Variants in SCEL observed in about 807,000 individuals in gnomAD.
SCEL encodes sciellin.
Under a neutral mutation model 117.6 loss-of-function variants are expected in SCEL, and 113 were observed. The observed-to-expected ratio is 0.96, with a 90% CI of 0.83 to 1.12. The LOEUF (loss-of-function observed/expected upper bound fraction) is 1.12, where lower values mean the gene tolerates loss of function less well. SCEL is among the 50% of genes most tolerant of loss of function. The pLI, the probability that SCEL is intolerant of heterozygous loss-of-function variation, is 0.00. For missense variants in SCEL, 785 were observed against 810.8 expected (o/e 0.97, Z 0.39); for synonymous variants, 270 against 256.2 (o/e 1.05, Z -0.51).
Position 77,541,091 on chromosome 13 carries a change from G to A in SCEL, c.-20+5267G>A, listed in dbSNP as rs992157111. Among the ~76,000 whole-genome samples, 13 of 151,978 alleles carry A rather than the reference G, an allele frequency of 8.6e-5. No individual in the cohort carries two copies. In the South Asian group the frequency reaches 2.7e-3, roughly 32 times the overall value. On this transcript the variant is annotated intron_variant, in intron 1 of 32. Coordinates refer to ENST00000349847, the MANE Select transcript of SCEL (RefSeq NM_144777.3). ...GAAGAAATTATAAAGGGAAAAATAGGGAATGCAAAATCAAAAGCTTCTGAT... is the reference window on the plus strand; with the variant it reads ...GAAGAAATTATAAAGGGAAAAATAGAGAATGCAAAATCAAAAGCTTCTGAT...
At chr13:77,538,811 A>G (rs1245148714) in intron 1 of SCEL, among the ~76,000 whole-genome samples, 1 of 152,198 alleles carries the variant, frequency 6.6e-6, no homozygotes, top group East Asian at 1.9e-4. Context: ...CTAAAATGTG[A>G]TTACGTATCC....
intron 1 of SCEL, 134 bp from the exon 2 acceptor site, chr13:77,555,723 A>G (rs754526471): frequency 5.0e-6 from 3 of 595,872 alleles, no homozygotes; most frequent in Admixed American, 2.8e-5. Context: ...GGGGCACTTT[A>G]TGTCATGCAT....
At position 77,608,102 on chromosome 13, in the gene SCEL, A is replaced by T; in HGVS notation, c.1204A>T (p.Arg402Ter). Reference sequence around the variant, plus strand: ...CATCAAAGTGACCCCTGAAGTAAAGAGAAGTAACCAAGGGTGAGGACTATG... The same window carrying T: ...CATCAAAGTGACCCCTGAAGTAAAGTGAAGTAACCAAGGGTGAGGACTATG... ...NLIKVTPEVK[R>*]SNQGSKDLNN... Residue 402 changes from arginine to a stop codon, truncating the protein, a stop_gained, in exon 20 of 33, where the codon AGA (arginine) becomes TGA (stop). Coordinates refer to ENST00000349847, the MANE Select transcript of SCEL (RefSeq NM_144777.3). LOFTEE classifies it high-confidence loss of function. 1 of 1,612,924 alleles carries T rather than the reference A, an allele frequency of 6.2e-7. No individual in the cohort carries two copies. The highest frequency in any genetic ancestry group is 8.5e-7 in the Non-Finnish European group (1 of 1,179,138).
At position 77,613,913 on chromosome 13, in the gene SCEL, A is replaced by C. The variant is rs769234113; in HGVS notation, c.1409A>C (p.Glu470Ala). 1.2e-6 allele frequency: 2 copies of C among 1,613,520 alleles called. No individual in the cohort carries two copies. The highest frequency in any genetic ancestry group is 1.6e-4 in the Middle Eastern group (1 of 6,062). Reference protein sequence around the residue: ...ANKSSEQGLDEHINVSPKAVK... With the variant: ...ANKSSEQGLDAHINVSPKAVK... ...TTTAGCAGTGAACAAGGTCTTGATG[A>C]ACATATTAATGTCAGCCCCAAAGCT... Residue 470 changes from glutamate to alanine, a missense_variant, in exon 24 of 33, where the codon GAA becomes GCA. By Grantham distance (107) the Glu-to-Ala change is moderately radical. Coordinates refer to ENST00000349847, the MANE Select transcript of SCEL (RefSeq NM_144777.3).
intron 1 of SCEL, among the ~76,000 whole-genome samples, chr13:77,553,064 A>G (rs1593900930): frequency 1.3e-5 from 2 of 152,150 alleles, no homozygotes; most frequent in South Asian, 4.1e-4. Flanking sequence ...TTTTAACTTA[A>G]TCACCTCTTT....
At chr13:77,634,793 C>T (rs2090196707) in intron 29 of SCEL, among the ~76,000 whole-genome samples, 1 of 152,064 alleles carries the variant, frequency 6.6e-6, no homozygotes, top group African/African-American at 2.4e-5. Context: ...TTTGGAGTTC[C>T]ACTTGAATTA....
intron 27 of SCEL, among the ~76,000 whole-genome samples, chr13:77,627,649 A>T (rs1349332925): frequency 6.6e-6 from 1 of 152,170 alleles, no homozygotes; most frequent in East Asian, 1.9e-4. Context: ...CATCAATAAA[A>T]AAAGAAAAAT....
At chr13:77,637,881 T>C (rs2090380088) in intron 30 of SCEL, among the ~76,000 whole-genome samples, 1 of 152,242 alleles carries the variant, frequency 6.6e-6, no homozygotes, top group Non-Finnish European at 1.5e-5. Flanking sequence ...AGGTTTTTGC[T>C]GTTAGTGATC....
intron 4 of SCEL, 110 bp downstream of exon 4, chr13:77,559,973 G>A (rs1368037151): frequency 4.4e-6 from 4 of 898,880 alleles, no homozygotes; most frequent in Admixed American, 1.9e-5. Flanking sequence ...GGCTTTCCCC[G>A]ATGTTCTGGG....
chr13:77,566,901 A>G (rs946360617), intron 5 of SCEL, among the ~76,000 whole-genome samples: 1 of 152,202 alleles, frequency 6.6e-6, no homozygotes, highest in Non-Finnish European at 1.5e-5. Context: ...GCTCAATCAC[A>G]TGGCCCCAAC....
At chr13:77,588,220 C>A (rs1184819936) in intron 9 of SCEL, among the ~76,000 whole-genome samples, 1 of 152,184 alleles carries the variant, frequency 6.6e-6, no homozygotes, top group East Asian at 1.9e-4. Context: ...AGTAAAAACA[C>A]AATCTCATTC....
intron 1 of SCEL, among the ~76,000 whole-genome samples, chr13:77,539,683 C>T (rs2083596089): frequency 6.6e-6 from 1 of 152,048 alleles, no homozygotes; most frequent in African/African-American, 2.4e-5. Flanking sequence ...TACAGGCGCC[C>T]ACCACCACGC....
At chr13:77,593,300 G>GCGCGCGTC (rs374537294) in intron 11 of SCEL, among the ~76,000 whole-genome samples, 2,446 of 145,108 alleles carry the variant, frequency 0.017, 51 homozygotes, top group African/African-American at 0.04. Flanking sequence ...GTGTGTGTCT[G>GCGCGCGTC]TGTGTGTGTG....
intron 1 of SCEL, among the ~76,000 whole-genome samples, chr13:77,546,744 AAGG>A (rs2084012251): frequency 6.6e-6 from 1 of 151,910 alleles, no homozygotes; most frequent in South Asian, 2.1e-4. Context: ...TTTCTCTTGG[AAGG>A]AGAAGTTCAG....
chr13:77,567,524 T>G (rs1230559042), intron 5 of SCEL, among the ~76,000 whole-genome samples, 156 bp from the exon 6 acceptor site: 1 of 152,224 alleles, frequency 6.6e-6, no homozygotes, highest in Non-Finnish European at 1.5e-5. Flanking sequence ...AGTGGTTTCT[T>G]TTTATTTAAA....
intron 28 of SCEL, among the ~76,000 whole-genome samples, chr13:77,633,163 G>A (rs369333452): frequency 1.3e-5 from 2 of 150,814 alleles, no homozygotes; most frequent in Non-Finnish European, 3.0e-5. Flanking sequence ...CAGGCCGGGC[G>A]CGGTGGCTCA....
Position 77,644,319 on chromosome 13 carries a change from T to G in SCEL, c.*45T>G, listed in dbSNP as rs377304141. The G allele has an allele frequency of 1.7e-5, 27 of 1,591,308 alleles. No homozygotes were observed. The highest frequency in any genetic ancestry group is 2.3e-5 in the Non-Finnish European group (27 of 1,160,954). On this transcript the variant is annotated 3_prime_UTR_variant, in exon 33 of 33. Coordinates refer to ENST00000349847, the MANE Select transcript of SCEL (RefSeq NM_144777.3). ...AGATGAAAAGCACTCATTAAGGAATTAAAGTTACAAGTTTTATCTTAATAA... is the reference window on the plus strand; with the variant it reads ...AGATGAAAAGCACTCATTAAGGAATGAAAGTTACAAGTTTTATCTTAATAA...
intron 13 of SCEL, 38 bp downstream of exon 13, chr13:77,597,627 G>T (rs1362987970): frequency 3.3e-6 from 4 of 1,216,652 alleles, no homozygotes; most frequent in Non-Finnish European, 4.6e-6. Flanking sequence ...TTACTGAGTT[G>T]CATATTGTGA....
chr13:77,547,548 C>T (rs2084061725), intron 1 of SCEL, among the ~76,000 whole-genome samples: 1 of 152,208 alleles, frequency 6.6e-6, no homozygotes, highest in African/African-American at 2.4e-5. Context: ...CTCTCATCCT[C>T]TGCCCATCTG....
Sources: allele counts gnomAD v4.1 joint callset (sites outside exome capture counted in the v4.1 genomes callset), GRCh38; gene constraint gnomAD v4.1.1; transcripts MANE v1.5; gene names NCBI Gene and HGNC (gene_info 2026-07-23, HGNC 2026-07-21).